DLGAP1: variants seen among roughly 807,000 people sequenced by gnomAD.
The protein encoded by DLGAP1 is disks large-associated protein 1.
DLGAP1 carries 11 observed loss-of-function variants against 90.8 expected under a neutral mutation model. The ratio of observed to expected loss-of-function variants is 0.12; its 90% CI spans 0.08 to 0.20. The LOEUF (loss-of-function observed/expected upper bound fraction) is 0.20, where lower values mean the gene tolerates loss of function less well. Among genes scored for constraint, DLGAP1 ranks in the 10% least tolerant of loss-of-function variants. The pLI, the probability that DLGAP1 is intolerant of heterozygous loss-of-function variation, is 1.00. For missense variants in DLGAP1, 1,050 were observed against 1,333.8 expected (o/e 0.79, Z 3.31); for synonymous variants, 558 against 540.7 (o/e 1.03, Z -0.44).
intron 2 of DLGAP1, among the ~76,000 whole-genome samples, chr18:4,007,732 A>G (rs2067065284): frequency 6.6e-6 from 1 of 152,186 alleles, no homozygotes; most frequent in South Asian, 2.1e-4. Context: ...TTTTCTCAAA[A>G]GGGAAAATGT....
At chr18:3,624,290 C>A (rs1427469101) in intron 7 of DLGAP1, among the ~76,000 whole-genome samples, 1 of 152,222 alleles carries the variant, frequency 6.6e-6, no homozygotes, top group African/African-American at 2.4e-5. Flanking sequence ...AGCCTGCGTG[C>A]CCCTGCCCCG....
intron 1 of DLGAP1, among the ~76,000 whole-genome samples, chr18:4,162,073 A>T (rs956625818): frequency 3.9e-5 from 6 of 152,186 alleles, no homozygotes; most frequent in Non-Finnish European, 7.3e-5. Context: ...TGTGCCAGAC[A>T]ATGTTCTAGA....
chr18:3,878,399 C>G (rs768591728), intron 4 of DLGAP1: 2 of 152,074 alleles, frequency 1.3e-5, no homozygotes, highest in African/African-American at 4.8e-5. Context: ...AGCAGCCTAC[C>G]GTGGCTCTGT....
intron 1 of DLGAP1, among the ~76,000 whole-genome samples, chr18:4,416,584 C>T (rs2082905089): frequency 6.6e-6 from 1 of 152,126 alleles, no homozygotes; most frequent in African/African-American, 2.4e-5. Context: ...ATATACAAAC[C>T]TCTAGAACTC....
intron 7 of DLGAP1, among the ~76,000 whole-genome samples, chr18:3,614,384 G>A (rs999057814): frequency 3.9e-5 from 6 of 152,048 alleles, no homozygotes; most frequent in Admixed American, 2.0e-4. Flanking sequence ...GAGTAGAAAG[G>A]GAGAAAATGC....
chr18:4,162,873 G>A (rs1177075898), intron 1 of DLGAP1, among the ~76,000 whole-genome samples: 2 of 151,806 alleles, frequency 1.3e-5, no homozygotes, highest in Non-Finnish European at 2.9e-5. Context: ...ACAATATTTT[G>A]CAATGTCAAC....
At chr18:3,779,783 TTC>T (rs1262326552) in intron 5 of DLGAP1, among the ~76,000 whole-genome samples, 3 of 151,648 alleles carry the variant, frequency 2.0e-5, no homozygotes, top group Admixed American at 6.6e-5. Flanking sequence ...TTTTTACTCT[TTC>T]TTTCTTTTCT....
chr18:3,698,617 T>C (rs2061174621), intron 7 of DLGAP1, among the ~76,000 whole-genome samples: 1 of 151,854 alleles, frequency 6.6e-6, no homozygotes, highest in South Asian at 2.1e-4. Flanking sequence ...TGATTATGTG[T>C]CTTGGGGTTG....
intron 1 of DLGAP1, among the ~76,000 whole-genome samples, chr18:4,332,438 A>T (rs1303304121): frequency 2.0e-5 from 3 of 151,692 alleles, no homozygotes; most frequent in Non-Finnish European, 4.4e-5. Context: ...GTTTTTTTTT[A>T]AAAAGCAAAC....
intron 1 of DLGAP1, among the ~76,000 whole-genome samples, chr18:4,233,094 A>G (rs1479229733): frequency 6.6e-6 from 1 of 152,184 alleles, no homozygotes; most frequent in Non-Finnish European, 1.5e-5. Flanking sequence ...AGTCTCCCAT[A>G]CCTTTCATCC....
intron 7 of DLGAP1, among the ~76,000 whole-genome samples, chr18:3,664,213 CA>C (rs1567923410): frequency 8.7e-4 from 86 of 99,000 alleles, no homozygotes; most frequent in African/African-American, 2.9e-3. Flanking sequence ...CACACACACA[CA>C]CACCCACACA....
At chr18:4,078,743 T>C (rs2075560695) in intron 2 of DLGAP1, among the ~76,000 whole-genome samples, 1 of 152,096 alleles carries the variant, frequency 6.6e-6, no homozygotes, top group Non-Finnish European at 1.5e-5. Context: ...GGTGGGAGAA[T>C]GCAGGTTTCA....
chr18:4,398,786 A>C (rs2082491282), intron 1 of DLGAP1, among the ~76,000 whole-genome samples: 1 of 152,200 alleles, frequency 6.6e-6, no homozygotes, highest in Admixed American at 6.5e-5. Context: ...TTTAGAGTTT[A>C]GCCATGTAAG....
At chr18:4,338,880 T>G (rs567369596) in intron 1 of DLGAP1, among the ~76,000 whole-genome samples, 1 of 152,204 alleles carries the variant, frequency 6.6e-6, no homozygotes, top group Non-Finnish European at 1.5e-5. Flanking sequence ...TGGCCTATTA[T>G]TATAGCGGAC....
intron 7 of DLGAP1, among the ~76,000 whole-genome samples, chr18:3,583,323 T>C (rs1211982551): frequency 6.6e-6 from 1 of 151,580 alleles, no homozygotes; most frequent in Admixed American, 6.6e-5. Context: ...TCTACCTGTC[T>C]TGTCATCCTT....
At chr18:4,250,109 A>C (rs1402036136) in intron 1 of DLGAP1, among the ~76,000 whole-genome samples, 2 of 152,132 alleles carry the variant, frequency 1.3e-5, no homozygotes, top group African/African-American at 4.8e-5. Context: ...AGTTTGTTGG[A>C]GGCAGGGCAG....
chr18:4,105,752 C>T (rs114147943), intron 2 of DLGAP1, among the ~76,000 whole-genome samples: 1,576 of 152,156 alleles, frequency 0.01, 25 homozygotes, highest in Middle Eastern at 0.031. Context: ...GTAATTAGGC[C>T]GGGCGCGGTG....
intron 4 of DLGAP1, among the ~76,000 whole-genome samples, chr18:3,866,723 T>C (rs2070406979): frequency 6.6e-6 from 1 of 152,158 alleles, no homozygotes; most frequent in Non-Finnish European, 1.5e-5. Context: ...CTAGAAACTT[T>C]AGCAATAGAC....
chr18:3,537,503 G>A (rs924416030), intron 9 of DLGAP1, among the ~76,000 whole-genome samples: 3 of 152,066 alleles, frequency 2.0e-5, no homozygotes, highest in Non-Finnish European at 2.9e-5. Context: ...TTGCTTACCC[G>A]TTCTTCCACT....
Sources: allele counts gnomAD v4.1 joint callset (sites outside exome capture counted in the v4.1 genomes callset), GRCh38; gene constraint gnomAD v4.1.1; transcripts MANE v1.5; gene names NCBI Gene and HGNC (gene_info 2026-07-23, HGNC 2026-07-21).